Variants in MROH9 observed in about 807,000 individuals in gnomAD.
MROH9 encodes maestro heat-like repeat-containing protein family member 9.
MROH9 carries 92 observed loss-of-function variants against 98.2 expected under a neutral mutation model. That is an observed-to-expected ratio of 0.94 (90% CI 0.79 to 1.11). MROH9 has a LOEUF of 1.11. Ranked by LOEUF, MROH9 falls within the 50% of genes most tolerant of loss-of-function variation. MROH9 has a pLI of 0.00. For synonymous variants in MROH9, 397 were observed against 368.9 expected (o/e 1.08, Z -0.87); for missense variants, 1,057 against 1,014.8 (o/e 1.04, Z -0.57).
intron 14 of MROH9, 49 bp downstream of exon 14, chr1:170,996,693 C>T (rs756992592): frequency 7.6e-6 from 12 of 1,570,510 alleles, no homozygotes; most frequent in Non-Finnish European, 9.5e-6. Flanking sequence ...ATCCTACCTT[C>T]TCCAACTTCC....
Position 170,958,446 on chromosome 1 carries a change from T to TA in MROH9, c.73-13dup. 7.0e-7 allele frequency: 1 copy of TA among 1,432,156 alleles called. No homozygotes were observed. Among genetic ancestry groups the TA allele is most frequent in the Non-Finnish European group, 9.6e-7 (1 of 1,044,284 alleles). 88.7% of individuals were successfully genotyped at this position (1,432,156 alleles called of 1,614,324 possible). A position where few individuals can be genotyped will look rare whatever the true frequency, so the allele number is the denominator to read the frequency against. On this transcript the variant is annotated splice_polypyrimidine_tract_variant and intron_variant, in intron 3 of 21. Transcript: ENST00000367759. The stretch of plus-strand genomic sequence containing the variant: ...TAATTCTTCTTTTTTTTTTTTTTTT[T>TA]AACATGGTACTTAGGCACATAAAGT...
intron 15 of MROH9, among the ~76,000 whole-genome samples, chr1:171,013,421 G>T (rs1652225336): frequency 6.6e-6 from 1 of 152,108 alleles, no homozygotes; most frequent in African/African-American, 2.4e-5. Flanking sequence ...CTCTTTATGA[G>T]AATCTAAACT....
chr1:170,963,941 T>G (rs1650127075), intron 6 of MROH9, among the ~76,000 whole-genome samples: 1 of 152,034 alleles, frequency 6.6e-6, no homozygotes, highest in East Asian at 1.9e-4. Context: ...CCTCTGAACT[T>G]AAAATAAAAG....
chr1:171,037,352 AAAG>A, intron 20 of MROH9, among the ~76,000 whole-genome samples: 1 of 151,952 alleles, frequency 6.6e-6, no homozygotes, highest in Non-Finnish European at 1.5e-5. Flanking sequence ...GAGAGGAAGA[AAAG>A]AAGGAAGGAT....
intron 20 of MROH9, among the ~76,000 whole-genome samples, chr1:171,058,038 G>A (rs1023489970): frequency 6.6e-6 from 1 of 152,170 alleles, no homozygotes; most frequent in Non-Finnish European, 1.5e-5. Context: ...TAGGAAGAGA[G>A]GAAGTCAAAG....
At chr1:171,045,861 A>G in intron 20 of MROH9, among the ~76,000 whole-genome samples, 1 of 152,170 alleles carries the variant, frequency 6.6e-6, no homozygotes, top group East Asian at 1.9e-4. Context: ...TTTTCTGTCT[A>G]GAAGATCTTT....
chr1:171,024,712 A>G lies in MROH9; in HGVS notation c.2125A>G (p.Lys709Glu). ...QLKWSTSRLL[K>E]DENYSFEMVV... ...AAAGTGGTCAACATCACGTTTGCTC[A>G]AAGATGAAAATTACAGTTTTGAGAT... The change falls in exon 19 of 22, where the codon AAA becomes GAA. Residue 709 changes from lysine (K) to glutamate (E), a missense_variant. By Grantham distance (56) the Lys-to-Glu change is moderately conservative. Transcript: ENST00000367759. 6.4e-7 allele frequency: 1 copy of G among 1,551,240 alleles called. No individual in the cohort carries two copies. The highest frequency in any genetic ancestry group is 8.7e-7 in the Non-Finnish European group (1 of 1,146,682).
intron 20 of MROH9, among the ~76,000 whole-genome samples, chr1:171,043,720 G>A (rs1462677446): frequency 5.3e-5 from 8 of 151,232 alleles, no homozygotes; most frequent in Non-Finnish European, 8.9e-5. Flanking sequence ...TTAATTACTA[G>A]GTCTTTAATT....
rs530449846 is a variant in MROH9, at chr1:171,056,668, C to T, written c.2282-5464C>T. Among the ~76,000 whole-genome samples, 19 of 152,274 alleles carry T rather than the reference C, an allele frequency of 1.2e-4. 1 individual carries two copies. The South Asian group carries it at 1.7e-3, about 13-fold the overall frequency. On this transcript the variant is annotated intron_variant, in intron 20 of 21. Transcript: ENST00000367759. ...AAATGGGTCCTGTTCCCCATGCCAC[C>T]CAACTGGGTGACAACAGGGGTTGTC...
At chr1:170,942,404 CACACA>C (rs1557866616) in intron 1 of MROH9, among the ~76,000 whole-genome samples, 45 of 135,688 alleles carry the variant, frequency 3.3e-4, no homozygotes, top group Admixed American at 6.1e-4. Flanking sequence ...CACACACACA[CACACA>C]CCCTCAGAGA....
intron 3 of MROH9, among the ~76,000 whole-genome samples, chr1:170,956,783 C>T (rs1056647377): frequency 7.9e-5 from 12 of 151,718 alleles, no homozygotes; most frequent in African/African-American, 2.2e-4. Flanking sequence ...TCAAGGTAAA[C>T]GATCACATCG....
rs1415601152 is a variant in MROH9 at position 171,061,318 on chromosome 1, C to T, written c.2282-814C>T. On this transcript the variant is annotated intron_variant, in intron 20 of 21. Coordinates refer to ENST00000367759, the MANE Select transcript of MROH9 (RefSeq NM_001163629.2). ...CTTTGGATAACTGTTTAGCAGTAACCGCTGAAGTGGAACATAAGCATACCC... is the reference window on the plus strand; with the variant it reads ...CTTTGGATAACTGTTTAGCAGTAACTGCTGAAGTGGAACATAAGCATACCC... 2.0e-5 allele frequency among the ~76,000 whole-genome samples: 3 copies of T among 152,004 alleles called. No homozygotes were observed. The East Asian group carries it at 5.8e-4, about 29-fold the overall frequency.
intron 20 of MROH9, among the ~76,000 whole-genome samples, chr1:171,043,427 T>G (rs1337339932): frequency 6.6e-6 from 1 of 152,026 alleles, no homozygotes; most frequent in Non-Finnish European, 1.5e-5. Context: ...TCCAGTTTTG[T>G]TTTTTTGGTT....
At chr1:170,959,641 A>G (rs769245962) in intron 5 of MROH9, 44 bp downstream of exon 5, 68 of 1,568,810 alleles carry the variant, frequency 4.3e-5, no homozygotes, top group Non-Finnish European at 5.2e-5. Context: ...GTTATTACAC[A>G]TCACAGCAAT....
chr1:171,037,327 G>A (rs1002083577), intron 20 of MROH9, among the ~76,000 whole-genome samples: 1 of 151,552 alleles, frequency 6.6e-6, no homozygotes, highest in African/African-American at 2.4e-5. Context: ...AGTAAGAAGG[G>A]AGATGGGAGA....
intron 3 of MROH9, among the ~76,000 whole-genome samples, chr1:170,954,876 C>A (rs1245002369): frequency 6.6e-6 from 1 of 151,744 alleles, no homozygotes; most frequent in Non-Finnish European, 1.5e-5. Flanking sequence ...TGAGTAAATT[C>A]TTTAGTGGTA....
chr1:171,005,908 C>T (rs967782760), intron 15 of MROH9, among the ~76,000 whole-genome samples: 4 of 151,982 alleles, frequency 2.6e-5, no homozygotes, highest in Admixed American at 2.6e-4. Context: ...ATTATTGAAG[C>T]TATATTTTAA....
rs942019725 is a variant in MROH9, at chr1:171,023,070, A to G, written c.1909-1325A>G. ...GCAGTGGCTCACGCCTGTAATCCCA[A>G]CACTTTCCAAGACTGACATGGGAGG... On this transcript the variant is annotated intron_variant, in intron 17 of 21. Transcript: ENST00000367759. 2.0e-5 allele frequency among the ~76,000 whole-genome samples: 3 copies of G among 152,276 alleles called. No individual in the cohort carries two copies. The East Asian group carries it at 5.8e-4, about 29-fold the overall frequency.
At chr1:170,993,849 T>C (rs1651457287) in intron 12 of MROH9, among the ~76,000 whole-genome samples, 1 of 152,200 alleles carries the variant, frequency 6.6e-6, no homozygotes, top group Non-Finnish European at 1.5e-5. Context: ...TGTTTTTATA[T>C]GTTGAATTTT....
Sources: gnomAD v4.1 joint callset for allele counts (sites outside exome capture counted in the v4.1 genomes callset) on GRCh38, gnomAD v4.1.1 for gene constraint, MANE v1.5 for transcripts, NCBI Gene and HGNC (gene_info 2026-07-23, HGNC 2026-07-21) for gene names.